Variants in SGCZ observed in about 807,000 individuals in gnomAD.
The protein encoded by SGCZ is sarcoglycan zeta.
A neutral mutation model predicts 41.3 loss-of-function variants in SGCZ; 40 were observed. The observed-to-expected ratio is 0.97, with a 90% CI of 0.75 to 1.26. The LOEUF (loss-of-function observed/expected upper bound fraction) is 1.26. Ranked by LOEUF, SGCZ falls within the 50% of genes most tolerant of loss-of-function variation. SGCZ has a pLI of 0.00. For missense variants in SGCZ, 552 were observed against 369.8 expected (o/e 1.49, Z -4.04); for synonymous variants, 206 against 137.5 (o/e 1.50, Z -3.49).
chr8:15,047,454 G>T (rs1376803379), intron 1 of SGCZ, among the ~76,000 whole-genome samples: 1 of 152,000 alleles, frequency 6.6e-6, no homozygotes, highest in Non-Finnish European at 1.5e-5. Context: ...TTTGTCCAAA[G>T]ATGATTTTTG....
intron 1 of SGCZ, among the ~76,000 whole-genome samples, chr8:15,186,225 G>C (rs1800336440): frequency 7.9e-6 from 1 of 126,602 alleles, no homozygotes; most frequent in African/African-American, 3.2e-5. Flanking sequence ...TCGTGCCACT[G>C]CACTCCAGCC....
At chr8:14,730,247 T>G (rs13274423) in intron 1 of SGCZ, among the ~76,000 whole-genome samples, 56,704 of 151,952 alleles carry the variant, frequency 0.37, 12,215 homozygotes, top group African/African-American at 0.59. Flanking sequence ...TCTTTATCTG[T>G]TTAATATATT....
chr8:14,093,030 A>G (rs558103217), intron 7 of SGCZ, among the ~76,000 whole-genome samples: 1 of 151,976 alleles, frequency 6.6e-6, no homozygotes, highest in African/African-American at 2.4e-5. Flanking sequence ...TCTGACATGC[A>G]TGGAGAAAGT....
rs1805051203 is a variant in SGCZ at position 14,190,205 on chromosome 8, G to T, written c.425-25503C>A. On this transcript the variant is annotated intron_variant, in intron 4 of 7. Coordinates refer to ENST00000382080, the MANE Select transcript of SGCZ (RefSeq NM_139167.4). ...TTCTTTGTATTTTTAGTAGAGACGG[G>T]GTTTCACCGTGTTAGCCAGGATGGT... Among the ~76,000 whole-genome samples, 3 of 151,370 alleles carry T rather than the reference G, an allele frequency of 2.0e-5. No homozygotes were observed. In the South Asian group the frequency reaches 6.3e-4, roughly 32 times the overall value.
intron 1 of SGCZ, among the ~76,000 whole-genome samples, chr8:15,167,692 C>T (rs1272159692): frequency 2.1e-5 from 3 of 143,628 alleles, no homozygotes; most frequent in Admixed American, 7.2e-5. Context: ...AAAAAAAATA[C>T]GGTCTAGAGA....
intron 1 of SGCZ, among the ~76,000 whole-genome samples, chr8:14,595,682 C>T (rs1805387619): frequency 6.6e-6 from 1 of 152,168 alleles, no homozygotes; most frequent in Admixed American, 6.6e-5. Flanking sequence ...AACTCTTCCA[C>T]CTTTAACATC....
intron 3 of SGCZ, among the ~76,000 whole-genome samples, chr8:14,257,913 T>C (rs1284734306): frequency 6.6e-6 from 1 of 152,182 alleles, no homozygotes; most frequent in Admixed American, 6.6e-5. Flanking sequence ...AAGATATAGA[T>C]ATAGATATAT....
chr8:14,174,594 T>C (rs754609585), intron 4 of SGCZ, among the ~76,000 whole-genome samples: 73 of 152,108 alleles, frequency 4.8e-4, no homozygotes, highest in Non-Finnish European at 5.7e-4. Flanking sequence ...TTAGTGAATA[T>C]GCAGAACACC....
chr8:14,665,377 G>A (rs1273782957), intron 1 of SGCZ, among the ~76,000 whole-genome samples: 1 of 152,134 alleles, frequency 6.6e-6, no homozygotes, highest in East Asian at 1.9e-4. Flanking sequence ...ATTCCATGGT[G>A]TATACGTGCC....
At chr8:14,789,466 A>T (rs1297733745) in intron 1 of SGCZ, among the ~76,000 whole-genome samples, 2 of 152,218 alleles carry the variant, frequency 1.3e-5, no homozygotes, top group African/African-American at 4.8e-5. Context: ...AACCACAAGA[A>T]TTCATGAATA....
intron 1 of SGCZ, among the ~76,000 whole-genome samples, chr8:14,565,772 G>C (rs967054597): frequency 6.6e-6 from 1 of 152,006 alleles, no homozygotes; most frequent in East Asian, 1.9e-4. Flanking sequence ...ACACCAAGCA[G>C]AACAAGGTAA....
intron 1 of SGCZ, among the ~76,000 whole-genome samples, chr8:14,649,577 T>C (rs999106967): frequency 2.0e-5 from 3 of 151,644 alleles, no homozygotes; most frequent in African/African-American, 7.3e-5. Context: ...TTGGACTGTC[T>C]ACCTTCAGAT....
intron 1 of SGCZ, among the ~76,000 whole-genome samples, chr8:15,205,389 G>T (rs1016656270): frequency 6.6e-6 from 1 of 152,006 alleles, no homozygotes; most frequent in Non-Finnish European, 1.5e-5. Flanking sequence ...GCATCTATAA[G>T]GAACTTAAAT....
At chr8:14,622,057 A>G (rs989001676) in intron 1 of SGCZ, among the ~76,000 whole-genome samples, 2 of 152,112 alleles carry the variant, frequency 1.3e-5, no homozygotes, top group Non-Finnish European at 2.9e-5. Flanking sequence ...GAGACCTAAG[A>G]CTAGATGAGG....
At chr8:14,695,263 T>G (rs1808922436) in intron 1 of SGCZ, among the ~76,000 whole-genome samples, 1 of 152,156 alleles carries the variant, frequency 6.6e-6, no homozygotes, top group African/African-American at 2.4e-5. Context: ...TGAAAAGCTC[T>G]TTTTTCATAG....
At chr8:14,558,317 G>T (rs775817335) in intron 1 of SGCZ, among the ~76,000 whole-genome samples, 1 of 152,104 alleles carries the variant, frequency 6.6e-6, no homozygotes, top group Non-Finnish European at 1.5e-5. Context: ...GTTCACACCT[G>T]TAATCTCAGT....
intron 1 of SGCZ, among the ~76,000 whole-genome samples, chr8:14,668,898 T>C (rs1326338367): frequency 6.7e-6 from 1 of 149,736 alleles, no homozygotes; most frequent in African/African-American, 2.5e-5. Context: ...AATTAACAAA[T>C]CTACCACTCA....
chr8:14,300,762 T>C (rs186507812), intron 3 of SGCZ, among the ~76,000 whole-genome samples: 8 of 152,120 alleles, frequency 5.3e-5, no homozygotes, highest in African/African-American at 1.7e-4. Flanking sequence ...TAGCCATACG[T>C]ATGTCTTCTT....
At chr8:14,678,702 T>C (rs573902158) in intron 1 of SGCZ, among the ~76,000 whole-genome samples, 3 of 152,316 alleles carry the variant, frequency 2.0e-5, no homozygotes, top group African/African-American at 7.2e-5. Flanking sequence ...TCAAAAGGAA[T>C]TGAAAACCTA....
Sources: allele counts gnomAD v4.1 joint callset (sites outside exome capture counted in the v4.1 genomes callset), GRCh38; gene constraint gnomAD v4.1.1; transcripts MANE v1.5; gene names NCBI Gene and HGNC (gene_info 2026-07-23, HGNC 2026-07-21).